The following PDCD6 variants were observed in gnomAD, a reference collection of about 807,000 sequenced individuals.
PDCD6 encodes the protein programmed cell death 6, also known as programmed cell death protein 6.
In PDCD6, 12 loss-of-function variants were observed where a neutral mutation model predicts 28.3. The observed-to-expected ratio is 0.42, with a 90% CI of 0.27 to 0.69. The LOEUF is 0.69. Among genes scored for constraint, PDCD6 ranks in the 30% least tolerant of loss-of-function variants. The probability of loss-of-function intolerance (pLI) is 0.22; values close to 1 mark genes in which losing one functional copy is unlikely to be tolerated. For missense variants in PDCD6, 226 were observed against 269.9 expected (o/e 0.84, Z 1.14); for synonymous variants, 92 against 108.0 (o/e 0.85, Z 0.92).
chr5:297,993 A>G (rs770266790), intron 2 of PDCD6, among the ~76,000 whole-genome samples: 5 of 152,366 alleles, frequency 3.3e-5, no homozygotes, highest in East Asian at 3.9e-4. Flanking sequence ...ATTTCTTTAC[A>G]TAGATAAATA....
chr5:314,214 C>T (rs76740326), intron 5 of PDCD6, among the ~76,000 whole-genome samples: 14,586 of 152,224 alleles, frequency 0.096, 976 homozygotes, highest in Non-Finnish European at 0.13. Context: ...GAGCCAGCCC[C>T]GCAGCCCTGT....
In PDCD6 at chr5:302,107, T is replaced by TGCGCGC. The variant is rs1554007716; in HGVS notation, c.164-2068_164-2067insGCGCGC. Among the ~76,000 whole-genome samples the TGCGCGC allele has an allele frequency of 4.4e-4, 49 of 111,682 alleles. 1 individual carries two copies. The highest frequency in any genetic ancestry group is 2.0e-3 in the Admixed American group (21 of 10,642). The allele number at this position is 111,682 out of a possible 152,430, so 73.3% of individuals were successfully genotyped here. A position where few individuals can be genotyped will look rare whatever the true frequency, so the allele number is the denominator to read the frequency against. ...GTGTGTGTGTGTGTGTGTGTGTGTG[T>TGCGCGC]GCCTTGGGTTCAGGTGCACCTGCCT... On this transcript the variant is annotated intron_variant, in intron 2 of 5. Transcript: ENST00000264933.
intron 2 of PDCD6, among the ~76,000 whole-genome samples, chr5:275,454 C>T (rs916772823): frequency 1.3e-5 from 2 of 152,234 alleles, no homozygotes; most frequent in African/African-American, 4.8e-5. Flanking sequence ...GTTTTGTTTG[C>T]ATCTTATAAA....
chr5:279,576 CAT>C (rs1442629017), intron 2 of PDCD6, among the ~76,000 whole-genome samples: 2 of 151,960 alleles, frequency 1.3e-5, no homozygotes, highest in Non-Finnish European at 2.9e-5. Context: ...AGGGGCGTGT[CAT>C]GTGCCTCATC....
intron 2 of PDCD6, chr5:290,302 T>TGG: frequency 7.4e-7 from 1 of 1,355,888 alleles, no homozygotes; most frequent in Non-Finnish European, 1.1e-6. Context: ...CAGCGCCTCC[T>TGG]GGAGACTCTC....
Position 271,724 on chromosome 5 carries a change from G to A in PDCD6, c.4G>A (p.Ala2Thr). 1.3e-6 allele frequency: 2 copies of A among 1,538,654 alleles called. No individual in the cohort carries two copies. The highest frequency in any genetic ancestry group is 1.7e-6 in the Non-Finnish European group (2 of 1,146,476). MAAYSYRPGPGA... is the reference protein window; with the variant it reads MTAYSYRPGPGA... ...GCCCAGCCGCGTGCCTTGGCCCATG[G>A]CCGCCTACTCTTACCGCCCCGGCCC... Residue 2 changes from alanine to threonine, a missense_variant, in exon 1 of 6, where the codon GCC becomes ACC. Physicochemically the swap from Ala to Thr is moderately conservative, Grantham distance 58. This residue lies in a region of PDCD6 where 72 missense variants were observed against 71.4 expected (regional missense o/e 1.01). Transcript: ENST00000264933.
intron 2 of PDCD6, among the ~76,000 whole-genome samples, chr5:297,503 T>G (rs1256226778): frequency 6.6e-6 from 1 of 152,256 alleles, no homozygotes; most frequent in Non-Finnish European, 1.5e-5. Context: ...TGAGGTATAA[T>G]TGCTACACAA....
intron 2 of PDCD6, chr5:290,337 C>T: frequency 8.4e-7 from 1 of 1,196,318 alleles, no homozygotes; most frequent in East Asian, 2.3e-5. Context: ...CCTGGAGTCC[C>T]TCACAGCCTC....
chr5:273,846 T>C (rs1259104140), intron 2 of PDCD6, among the ~76,000 whole-genome samples: 2 of 152,296 alleles, frequency 1.3e-5, no homozygotes, highest in East Asian at 1.9e-4. Context: ...TTTCTATAGA[T>C]TGTTTTCAGG....
rs139334790 is a variant in PDCD6, at chr5:314,439, G to T, written c.500G>T (p.Arg167Leu). 16 of 1,613,534 alleles carry T rather than the reference G, an allele frequency of 9.9e-6. No individual in the cohort carries two copies. The African/African-American group carries it at 1.7e-4, about 17-fold the overall frequency. The change falls in exon 6 of 6, where the codon CGT becomes CTT. Residue 167 changes from arginine (R) to leucine (L), a missense_variant. Physicochemically the swap from Arg to Leu is moderately radical, Grantham distance 102. This residue lies in a region of PDCD6 where 151 missense variants were observed against 177.2 expected (regional missense o/e 0.85). Coordinates refer to ENST00000264933, the MANE Select transcript of PDCD6 (RefSeq NM_013232.4). ...CAGAGGTTGACGGATATATTCAGAC[G>T]TTACGACACGGATCAGGACGGCTGG... ...VLQRLTDIFR[R>L]YDTDQDGWIQ...
chr5:281,869 G>C (rs73730798), intron 2 of PDCD6, among the ~76,000 whole-genome samples: 1,581 of 129,166 alleles, frequency 0.012, 19 homozygotes, highest in African/African-American at 0.052. Context: ...GATGTTGTTC[G>C]CTTTGAGGGT....
intron 5 of PDCD6, among the ~76,000 whole-genome samples, chr5:312,591 C>G (rs76543832): frequency 0.011 from 1,689 of 152,216 alleles, 24 homozygotes; most frequent in African/African-American, 0.038. Flanking sequence ...TTTCCTGCCC[C>G]TGCCTCTCGG....
At chr5:275,759 G>A (rs561094044) in intron 2 of PDCD6, among the ~76,000 whole-genome samples, 1 of 152,314 alleles carries the variant, frequency 6.6e-6, no homozygotes, top group South Asian at 2.1e-4. Context: ...CCCTTTCCGG[G>A]TTACCTGTGG....
At chr5:281,651 T>A (rs1182284217) in intron 2 of PDCD6, among the ~76,000 whole-genome samples, 1 of 152,086 alleles carries the variant, frequency 6.6e-6, no homozygotes, top group Non-Finnish European at 1.5e-5. Context: ...GTTGTGGAGC[T>A]GGAGACACAG....
intron 2 of PDCD6, chr5:276,085 T>A: frequency 9.4e-7 from 1 of 1,059,208 alleles, no homozygotes; most frequent in East Asian, 5.9e-5. Context: ...AAAAAGTAAA[T>A]GAGTGTAGTG....
intron 2 of PDCD6, among the ~76,000 whole-genome samples, chr5:300,133 G>A (rs912450895): frequency 3.3e-5 from 5 of 152,216 alleles, no homozygotes; most frequent in Non-Finnish European, 5.9e-5. Flanking sequence ...GCCCTTGGCT[G>A]GCTCCTGGGA....
rs1004861064 is a variant in PDCD6 at position 273,056 on chromosome 5, C to G, written c.163+284C>G. 246 of 461,398 alleles carry G rather than the reference C, an allele frequency of 5.3e-4. 1 individual carries two copies. The highest frequency in any genetic ancestry group is 8.4e-4 in the Non-Finnish European group (211 of 249,954). 28.6% of individuals were successfully genotyped at this position (461,398 alleles called of 1,614,324 possible). A position where few individuals can be genotyped will look rare whatever the true frequency, so the allele number is the denominator to read the frequency against. On this transcript the variant is annotated intron_variant, in intron 2 of 5. Coordinates refer to ENST00000264933, the MANE Select transcript of PDCD6 (RefSeq NM_013232.4). ...GTAGGTTTAGGAGGGGAATAGGAAG[C>G]TTAGCTCTGTACAGCCGAAAGCCTT...
Position 307,205 on chromosome 5 carries a change from G to C in PDCD6, c.367+445G>C, listed in dbSNP as rs911875483. 6.6e-6 allele frequency among the ~76,000 whole-genome samples: 1 copy of C among 151,446 alleles called. No homozygotes were observed. The highest frequency in any genetic ancestry group is 2.5e-5 in the African/African-American group (1 of 40,810). ...TCAGAAGGGGCGTTAGGCAGAACGC[G>C]TGCCCATTCTCAGGTGTGCTCGGCG... On this transcript the variant is annotated intron_variant, in intron 4 of 5. Coordinates refer to ENST00000264933, the MANE Select transcript of PDCD6 (RefSeq NM_013232.4). This position sits in a 1 kb window ranked among gnomAD's most constrained non-coding sequence, Gnocchi z 6.1.
At chr5:298,686 T>TCAGCTGCTCCCACTCAGCTGCTCCCACC in intron 2 of PDCD6, among the ~76,000 whole-genome samples, 1 of 43,856 alleles carries the variant, frequency 2.3e-5, no homozygotes, top group East Asian at 6.6e-4. Context: ...CTGCTCCCAC[T>TCAGCTGCTCCCACTCAGCTGCTCCCACC]CAGCTGCTCC....
Sources: gnomAD v4.1 joint callset for allele counts (sites outside exome capture counted in the v4.1 genomes callset) on GRCh38, gnomAD v4.1.1 for gene constraint, gnomAD v4.1.1 regional missense constraint, Gnocchi (gnomAD v3.1) non-coding constraint, MANE v1.5 for transcripts, NCBI Gene and HGNC (gene_info 2026-07-23, HGNC 2026-07-21) for gene names.